Variants in EEF1AKMT3 observed in about 807,000 individuals in gnomAD.
The protein encoded by EEF1AKMT3 is eEF1A-KMT3.
EEF1AKMT3 carries 17 observed loss-of-function variants against 17.8 expected under a neutral mutation model. That is an observed-to-expected ratio of 0.96 (90% confidence interval 0.65 to 1.43). The LOEUF (loss-of-function observed/expected upper bound fraction) is 1.43. Ranked by LOEUF, EEF1AKMT3 falls within the 40% of genes most tolerant of loss-of-function variation. The pLI, the probability that EEF1AKMT3 is intolerant of heterozygous loss-of-function variation, is 0.00. For missense variants in EEF1AKMT3, 244 were observed against 285.8 expected (o/e 0.85, Z 1.06); for synonymous variants, 116 against 126.5 (o/e 0.92, Z 0.56).
chr12:57,780,282 C>T lies in EEF1AKMT3; in HGVS notation c.317C>T (p.Pro106Leu). Residue 106 changes from proline to leucine, a missense_variant, in exon 3 of 3, where the codon CCC becomes CTC. Transcript: ENST00000300209. The part of the protein sequence containing the change: ...QGGDVTITDL[P>L]LALEQIQGNV... The stretch of plus-strand genomic sequence containing the variant: ...GGGGATGTTACCATCACTGACCTGC[C>T]CCTGGCCCTAGAACAGATCCAGGGC... 3 of 1,613,794 alleles carry T rather than the reference C, an allele frequency of 1.9e-6. No individual in the cohort carries two copies. Among genetic ancestry groups the T allele is most frequent in the African/African-American group, 1.3e-5 (1 of 75,010 alleles).
intron 2 of EEF1AKMT3, chr12:57,774,561 T>A: frequency 1.4e-6 from 1 of 737,298 alleles, no homozygotes; most frequent in Non-Finnish European, 2.4e-6. Flanking sequence ...TCAAGTCCCC[T>A]ATGTACCAAG....
In EEF1AKMT3 at chr12:57,780,571, G is replaced by T. The variant is rs751056256; in HGVS notation, c.606G>T (p.Leu202=). Residue 202 remains leucine (L), a synonymous_variant, in exon 3 of 3, where the codon CTG becomes CTT. Coordinates refer to ENST00000300209, the MANE Select transcript of EEF1AKMT3 (RefSeq NM_015433.3). The part of the protein sequence containing the change: ...FQHLLPQHFQ[L]ELAQRDEDEN... ...ACCTCCTGCCCCAGCATTTCCAACT[G>T]GAGCTGGCTCAGCGGGATGAGGATG... is the stretch of plus-strand genomic sequence containing the variant. 7.4e-6 allele frequency: 12 copies of T among 1,613,888 alleles called. 1 individual carries two copies. The South Asian group carries it at 1.3e-4, about 18-fold the overall frequency.
rs141496776 is a variant in EEF1AKMT3, at chr12:57,773,033, A to G, written c.194A>G (p.Asn65Ser). ...CTCCCGTAGGCCCTGAGCCTGTGCA[A>G]TTATTTCGAGAGTCAAAATGTGGAT... ...RVWDAALSLCNYFESQNVDFR... is the reference protein window; with the variant it reads ...RVWDAALSLCSYFESQNVDFR... The change falls in exon 2 of 3, where the codon AAT (asparagine) becomes AGT (serine). Residue 65 changes from asparagine (N) to serine (S), a missense_variant. Asn to Ser is a conservative substitution (Grantham distance 46, BLOSUM62 1). Coordinates refer to ENST00000300209, the MANE Select transcript of EEF1AKMT3 (RefSeq NM_015433.3). The G allele has an allele frequency of 2.6e-5, 42 of 1,614,034 alleles. No individual in the cohort carries two copies. Among genetic ancestry groups the G allele is most frequent in the Non-Finnish European group, 3.3e-5 (39 of 1,180,048 alleles).
In EEF1AKMT3 at chr12:57,780,709, C is replaced by T. The variant is rs1047259536; in HGVS notation, c.*63C>T. The stretch of plus-strand genomic sequence containing the variant: ...TGAAGGAACTGTGTATCTCAAAAAC[C>T]ATATTTCCAGAGCCACAAACATGAG... On this transcript the variant is annotated 3_prime_UTR_variant, in exon 3 of 3. Coordinates refer to ENST00000300209, the MANE Select transcript of EEF1AKMT3 (RefSeq NM_015433.3). 1.3e-6 allele frequency: 2 copies of T among 1,576,266 alleles called. No homozygotes were observed. The highest frequency in any genetic ancestry group is 1.7e-6 in the Non-Finnish European group (2 of 1,169,754).
At position 57,773,090 on chromosome 12, in the gene EEF1AKMT3, C is replaced by T; in HGVS notation, c.251C>T (p.Ala84Val). 2 of 1,614,070 alleles carry T rather than the reference C, an allele frequency of 1.2e-6. No homozygotes were observed. Among genetic ancestry groups the T allele is most frequent in the African/African-American group, 2.7e-5 (2 of 74,982 alleles). The change falls in exon 2 of 3, where the codon GCG becomes GTG. Residue 84 changes from alanine to valine, a missense_variant. Transcript: ENST00000300209. The stretch of plus-strand genomic sequence containing the variant: ...GGCAAGAAGGTGATCGAACTGGGTG[C>T]GGGGACAGGCATCGTGGGGATCTTG... ...FRGKKVIELG[A>V]GTGIVGILAA... is the part of the protein sequence containing the mutation.
rs975358784 is a variant in EEF1AKMT3 at position 57,781,994 on chromosome 12, C to T, written c.*1348C>T. On this transcript the variant is annotated 3_prime_UTR_variant, in exon 3 of 3. Coordinates refer to ENST00000300209, the MANE Select transcript of EEF1AKMT3 (RefSeq NM_015433.3). ...AATTACCTTCCTATTGCATTTCCTA[C>T]TCCTTTGCTACGTGTATTGGACCTC... 7 of 152,196 alleles carry T rather than the reference C, an allele frequency of 4.6e-5. No individual in the cohort carries two copies. Among genetic ancestry groups the T allele is most frequent in the African/African-American group, 1.4e-4 (6 of 41,452 alleles). The allele number at this position is 152,196 out of a possible 1,614,324, so 9.4% of individuals were successfully genotyped here. A position where few individuals can be genotyped will look rare whatever the true frequency, so the allele number is the denominator to read the frequency against.
intron 2 of EEF1AKMT3, among the ~76,000 whole-genome samples, chr12:57,776,798 G>A (rs568804316): frequency 1.9e-4 from 29 of 152,046 alleles, no homozygotes; most frequent in East Asian, 9.7e-4. Context: ...TTACAGGCAC[G>A]CACCACCATG....
rs559221376 is a variant in EEF1AKMT3 at position 57,780,735 on chromosome 12, G to A, written c.*89G>A. On this transcript the variant is annotated 3_prime_UTR_variant, in exon 3 of 3. Transcript: ENST00000300209. ...ATATTTCCAGAGCCACAAACATGAGGACCAAAAAGGATGGATTTCCCTGGC... is the reference window on the plus strand; with the variant it reads ...ATATTTCCAGAGCCACAAACATGAGAACCAAAAAGGATGGATTTCCCTGGC... 3.1e-3 allele frequency: 4,658 copies of A among 1,517,302 alleles called. 14 individuals are homozygous for A. Among genetic ancestry groups the A allele is most frequent in the Non-Finnish European group, 3.8e-3 (4,333 of 1,129,074 alleles). The allele number at this position is 1,517,302 out of a possible 1,614,324, so 94.0% of individuals were successfully genotyped here.
rs2140411268 is a variant in EEF1AKMT3 at position 57,781,575 on chromosome 12, T to G, written c.*929T>G. 1 of 152,224 alleles carries G rather than the reference T, an allele frequency of 6.6e-6. No individual in the cohort carries two copies. Among genetic ancestry groups the G allele is most frequent in the South Asian group, 2.1e-4 (1 of 4,824 alleles). 9.4% of individuals were successfully genotyped at this position (152,224 alleles called of 1,614,324 possible). On this transcript the variant is annotated 3_prime_UTR_variant, in exon 3 of 3. Coordinates refer to ENST00000300209, the MANE Select transcript of EEF1AKMT3 (RefSeq NM_015433.3). ...CTGTCCTTTGGACTGTATTTCTTCA[T>G]GCTTTCCAGAGTTAGAGCCTTGATC...
intron 2 of EEF1AKMT3, among the ~76,000 whole-genome samples, chr12:57,779,540 A>T (rs1955499375): frequency 6.6e-6 from 1 of 152,114 alleles, no homozygotes; most frequent in Admixed American, 6.6e-5. Flanking sequence ...CTACCTCTAG[A>T]ATGAAACAAA....
At chr12:57,775,882 C>A (rs1955477679) in intron 2 of EEF1AKMT3, among the ~76,000 whole-genome samples, 1 of 152,232 alleles carries the variant, frequency 6.6e-6, no homozygotes, top group Admixed American at 6.5e-5. Context: ...TTCTCACCTA[C>A]ATGTCCATTA....
chr12:57,773,233 T>C, intron 2 of EEF1AKMT3, 105 bp downstream of exon 2: 1 of 1,034,278 alleles, frequency 9.7e-7, no homozygotes, highest in Non-Finnish European at 1.5e-6. Context: ...GGGCCCAGTC[T>C]AACCCCTTCT....
At chr12:57,775,579 G>T (rs1189528408) in intron 2 of EEF1AKMT3, among the ~76,000 whole-genome samples, 1 of 152,052 alleles carries the variant, frequency 6.6e-6, no homozygotes, top group Non-Finnish European at 1.5e-5. Flanking sequence ...ACAGAGTTTT[G>T]CCATGTTGGC....
At chr12:57,775,337 C>T (rs1955473742) in intron 2 of EEF1AKMT3, among the ~76,000 whole-genome samples, 1 of 151,624 alleles carries the variant, frequency 6.6e-6, no homozygotes. Flanking sequence ...TTTCTCCCCT[C>T]ACATTCCAGC....
chr12:57,780,592 G>A lies in EEF1AKMT3; in HGVS notation c.627G>A (p.Glu209=), dbSNP rs769456764. The change falls in exon 3 of 3, where the codon GAG becomes GAA. Residue 209 remains glutamate (E), a synonymous_variant. Coordinates refer to ENST00000300209, the MANE Select transcript of EEF1AKMT3 (RefSeq NM_015433.3). ...AACTGGAGCTGGCTCAGCGGGATGA[G>A]GATGAAAATGTCAACATCTATAGGG... is the stretch of plus-strand genomic sequence containing the variant. ...HFQLELAQRD[E]DENVNIYRAR... The A allele has an allele frequency of 2.5e-6, 4 of 1,613,010 alleles. No individual in the cohort carries two copies. In the South Asian group the frequency reaches 3.3e-5, roughly 13 times the overall value.
At chr12:57,773,411 C>CTCTTT (rs143319881) in intron 2 of EEF1AKMT3, among the ~76,000 whole-genome samples, 41,777 of 150,322 alleles carry the variant, frequency 0.28, 6,634 homozygotes, top group East Asian at 0.65. Context: ...TATCGTGTTG[C>CTCTTT]TTTTTTTTTG....
intron 2 of EEF1AKMT3, among the ~76,000 whole-genome samples, chr12:57,773,632 G>A (rs1393276226): frequency 6.6e-6 from 1 of 152,098 alleles, no homozygotes; most frequent in Non-Finnish European, 1.5e-5. Context: ...CACCATGTTG[G>A]CCAGGCTGGT....
In EEF1AKMT3 at chr12:57,780,478, G is replaced by A. The variant is rs199607267; in HGVS notation, c.513G>A (p.Arg171=). The A allele has an allele frequency of 2.5e-6, 4 of 1,614,182 alleles. No homozygotes were observed. In the African/African-American group the frequency reaches 4.0e-5, roughly 16 times the overall value. The change falls in exon 3 of 3, where the codon AGG becomes AGA. Residue 171 remains arginine (R), a synonymous_variant. Transcript: ENST00000300209. ...TGGGGACCCTCCAACACCTGTGCAG[G>A]CCCCATGGCACCATCTATCTGGCCT... ...LLLGTLQHLC[R]PHGTIYLASK...
At chr12:57,778,408 C>T (rs758886029) in intron 2 of EEF1AKMT3, among the ~76,000 whole-genome samples, 42 of 151,520 alleles carry the variant, frequency 2.8e-4, no homozygotes, top group Admixed American at 8.6e-4. Flanking sequence ...TCAAGCAATC[C>T]TCTGACCTCA....
Sources: allele counts gnomAD v4.1 joint callset (sites outside exome capture counted in the v4.1 genomes callset), GRCh38; gene constraint gnomAD v4.1.1; transcripts MANE v1.5; gene names NCBI Gene and HGNC (gene_info 2026-07-23, HGNC 2026-07-21).